Variants in SORCS2 observed in about 807,000 individuals in gnomAD.
SORCS2 encodes the protein VPS10 domain-containing receptor SorCS2.
A neutral mutation model predicts 141.6 loss-of-function variants in SORCS2; 100 were observed. The ratio of observed to expected loss-of-function variants is 0.71; its 90% CI spans 0.60 to 0.83. The LOEUF (loss-of-function observed/expected upper bound fraction) is 0.83, where lower values mean the gene tolerates loss of function less well. SORCS2 is among the 40% of genes least tolerant of loss of function. The pLI, the probability that SORCS2 is intolerant of heterozygous loss-of-function variation, is 0.00. For missense variants in SORCS2, 1,646 were observed against 1,560.2 expected (o/e 1.05, Z -0.93); for synonymous variants, 789 against 676.9 (o/e 1.17, Z -2.57).
chr4:7,422,223 C>G (rs1454108186), intron 2 of SORCS2, among the ~76,000 whole-genome samples: 2 of 152,182 alleles, frequency 1.3e-5, no homozygotes, highest in African/African-American at 2.4e-5. Context: ...TGTCACTGCC[C>G]TCTTGAGTGG....
chr4:7,661,845 C>T, intron 6 of SORCS2, among the ~76,000 whole-genome samples: 1 of 152,226 alleles, frequency 6.6e-6, no homozygotes, highest in Non-Finnish European at 1.5e-5. Context: ...CCACCCCTGG[C>T]ATGTGCTAAG....
At chr4:7,253,585 C>T (rs1400747906) in intron 1 of SORCS2, among the ~76,000 whole-genome samples, 1 of 152,190 alleles carries the variant, frequency 6.6e-6, no homozygotes, top group Non-Finnish European at 1.5e-5. Context: ...CCAGGGCGCC[C>T]CCAGCTCCCT....
At position 7,654,134 on chromosome 4, in the gene SORCS2, C is replaced by T; in HGVS notation, c.814C>T (p.Leu272Phe). ...KVLAYTKESK[L>F]YVSSDLGKKW... is the part of the protein sequence containing the mutation. ...TTTGTTTCTTTTTTCTGCCCTAAAG[C>T]TCTACGTGTCATCTGACTTGGGGAA... Residue 272 changes from leucine (L) to phenylalanine (F), a missense_variant and splice_region_variant, in exon 5 of 27, where the codon CTC (leucine) becomes TTC (phenylalanine). Physicochemically the swap from Leu to Phe is conservative, Grantham distance 22 (BLOSUM62 0). Transcript: ENST00000507866. 3 of 1,574,490 alleles carry T rather than the reference C, an allele frequency of 1.9e-6. No homozygotes were observed. Among genetic ancestry groups the T allele is most frequent in the African/African-American group, 1.3e-5 (1 of 74,602 alleles).
chr4:7,247,792 T>C (rs1258986726), intron 1 of SORCS2, among the ~76,000 whole-genome samples: 1 of 152,178 alleles, frequency 6.6e-6, no homozygotes, highest in South Asian at 2.1e-4. Context: ...AGGTGATGTT[T>C]CCTGGGGAAG....
intron 3 of SORCS2, 54 bp downstream of exon 3, chr4:7,531,683 C>T (rs1711668453): frequency 1.3e-6 from 2 of 1,541,278 alleles, no homozygotes; most frequent in African/African-American, 1.4e-5. Flanking sequence ...GTGCCGCTCA[C>T]TCTGCAGAGC....
chr4:7,392,766 C>G lies in SORCS2; in HGVS notation c.481-3522C>G, dbSNP rs527442639. On this transcript the variant is annotated intron_variant, in intron 1 of 26. Coordinates refer to ENST00000507866, the MANE Select transcript of SORCS2 (RefSeq NM_020777.3). Reference sequence around the variant, plus strand: ...GGGGAGGGCAGCAATGAAGTGCAAACCCATAAAAGCCCTGGGCCTGGGCAC... The same window carrying G: ...GGGGAGGGCAGCAATGAAGTGCAAAGCCATAAAAGCCCTGGGCCTGGGCAC... 4.6e-5 allele frequency among the ~76,000 whole-genome samples: 7 copies of G among 151,964 alleles called. No individual in the cohort carries two copies. The South Asian group carries it at 1.5e-3, about 32-fold the overall frequency.
chr4:7,460,377 C>T (rs1729220856), intron 2 of SORCS2, among the ~76,000 whole-genome samples: 1 of 152,238 alleles, frequency 6.6e-6, no homozygotes, highest in South Asian at 2.1e-4. Flanking sequence ...GGCCCCTGCA[C>T]ACTTCTAAGG....
chr4:7,213,814 C>G (rs982557341), intron 1 of SORCS2, among the ~76,000 whole-genome samples: 1 of 152,214 alleles, frequency 6.6e-6, no homozygotes, highest in Non-Finnish European at 1.5e-5. Flanking sequence ...CAAGGGCCCA[C>G]CCCTGGAAAG....
intron 9 of SORCS2, among the ~76,000 whole-genome samples, chr4:7,682,348 A>G (rs1439740875): frequency 6.6e-6 from 1 of 152,182 alleles, no homozygotes; most frequent in East Asian, 1.9e-4. Context: ...TCCAATAGAA[A>G]GAAGAGGCAC....
intron 18 of SORCS2, among the ~76,000 whole-genome samples, chr4:7,720,130 G>A (rs1238869197): frequency 6.6e-6 from 1 of 151,930 alleles, no homozygotes; most frequent in East Asian, 1.9e-4. Flanking sequence ...CTCACACACT[G>A]TCTCACACAC....
intron 14 of SORCS2, among the ~76,000 whole-genome samples, chr4:7,704,650 G>A (rs562359845): frequency 9.2e-5 from 14 of 152,298 alleles, no homozygotes; most frequent in South Asian, 4.1e-4. Context: ...GGCCCTGCCC[G>A]GCTTCCTTCT....
chr4:7,663,538 G>A lies in SORCS2; in HGVS notation c.953-815G>A, dbSNP rs1036862695. Among the ~76,000 whole-genome samples, 22 of 152,366 alleles carry A rather than the reference G, an allele frequency of 1.4e-4. No homozygotes were observed. Among genetic ancestry groups the A allele is most frequent in the Admixed American group, 1.1e-3 (17 of 15,310 alleles). ...GCAGTGGCCTGGTGCTGCTGCCCAC[G>A]TACCCTCTGTGTACACTGCCTTCTG... On this transcript the variant is annotated intron_variant, in intron 6 of 26. Coordinates refer to ENST00000507866, the MANE Select transcript of SORCS2 (RefSeq NM_020777.3). The surrounding 1 kb of genome is among the most constrained non-coding windows in gnomAD (Gnocchi z 4.8).
intron 3 of SORCS2, among the ~76,000 whole-genome samples, chr4:7,563,037 T>C (rs1426579373): frequency 1.3e-5 from 2 of 152,188 alleles, no homozygotes; most frequent in East Asian, 1.9e-4. Context: ...CAATATGCCA[T>C]GCTTTAAAAA....
chr4:7,584,579 T>G (rs1577792189), intron 3 of SORCS2, among the ~76,000 whole-genome samples: 2 of 152,146 alleles, frequency 1.3e-5, no homozygotes, highest in South Asian at 4.2e-4. Flanking sequence ...TTTTTCTGAG[T>G]GACGAGTCTC....
intron 3 of SORCS2, among the ~76,000 whole-genome samples, chr4:7,614,934 C>A (rs1216373288): frequency 6.6e-6 from 1 of 152,088 alleles, no homozygotes; most frequent in Non-Finnish European, 1.5e-5. Flanking sequence ...AATCCACCTA[C>A]CCACCCCATT....
At chr4:7,334,381 C>T (rs1414093569) in intron 1 of SORCS2, among the ~76,000 whole-genome samples, 2 of 152,142 alleles carry the variant, frequency 1.3e-5, no homozygotes, top group Non-Finnish European at 2.9e-5. Flanking sequence ...TCCTCTCACC[C>T]GCCCCTCCTT....
At chr4:7,592,652 A>T (rs1716996290) in intron 3 of SORCS2, among the ~76,000 whole-genome samples, 1 of 152,200 alleles carries the variant, frequency 6.6e-6, no homozygotes, top group Non-Finnish European at 1.5e-5. Flanking sequence ...GGGGTCCCCG[A>T]ATGACTGTGT....
intron 1 of SORCS2, among the ~76,000 whole-genome samples, chr4:7,309,069 G>A (rs1172479379): frequency 2.0e-5 from 3 of 152,176 alleles, no homozygotes; most frequent in African/African-American, 7.2e-5. Flanking sequence ...GGACCGTGGT[G>A]CCTGGGTCTA....
chr4:7,542,419 C>G (rs1267129017), intron 3 of SORCS2, among the ~76,000 whole-genome samples: 1 of 152,022 alleles, frequency 6.6e-6, no homozygotes, highest in African/African-American at 2.4e-5. Flanking sequence ...AGAAGAGACT[C>G]AGAGACAGAC....
Sources: allele counts gnomAD v4.1 joint callset (sites outside exome capture counted in the v4.1 genomes callset), GRCh38; gene constraint gnomAD v4.1.1; non-coding constraint Gnocchi (gnomAD v3.1); transcripts MANE v1.5; gene names NCBI Gene and HGNC (gene_info 2026-07-23, HGNC 2026-07-21).